The following ADAMTS9 variants were observed in gnomAD, a reference collection of about 807,000 sequenced individuals.
ADAMTS9 encodes the protein ADAM metallopeptidase with thrombospondin type 1 motif 9, also known as A disintegrin and metalloproteinase with thrombospondin motifs 9.
ADAMTS9 carries 107 observed loss-of-function variants against 257.1 expected under a neutral mutation model. The observed-to-expected ratio is 0.42, with a 90% CI of 0.36 to 0.49. ADAMTS9 has a LOEUF of 0.49. Ranked by LOEUF, ADAMTS9 falls within the 20% of genes least tolerant of loss-of-function variation. ADAMTS9 has a pLI of 0.03. For missense variants in ADAMTS9, 2,353 were observed against 2,469.1 expected (o/e 0.95, Z 1.00); for synonymous variants, 982 against 880.9 (o/e 1.11, Z -2.03).
intron 16 of ADAMTS9, among the ~76,000 whole-genome samples, chr3:64,623,525 A>G (rs1291644655): frequency 3.3e-5 from 5 of 152,312 alleles, no homozygotes; most frequent in Non-Finnish European, 2.9e-5. Context: ...AAACACCCGT[A>G]TATGCTGCTC....
rs1700887214 is a variant in ADAMTS9 at position 64,649,752 on chromosome 3, T to C, written c.1490A>G (p.Asn497Ser). The change falls in exon 10 of 40, where the codon AAC becomes AGC. Residue 497 changes from asparagine to serine, a missense_variant. Asn to Ser is a conservative substitution (Grantham distance 46). Coordinates refer to ENST00000498707, the MANE Select transcript of ADAMTS9 (RefSeq NM_182920.2). ...LDTGYGECLL[N>S]EPESRPYPLP... ...AGGGTAGGGTCTGGATTCAGGTTCGTTAAGCAAACACTCGCCATAACCAGT... is the reference window on the plus strand; with the variant it reads ...AGGGTAGGGTCTGGATTCAGGTTCGCTAAGCAAACACTCGCCATAACCAGT... The C allele has an allele frequency of 3.1e-6, 5 of 1,613,822 alleles. No individual in the cohort carries two copies. Among genetic ancestry groups the C allele is most frequent in the African/African-American group, 1.3e-5 (1 of 74,902 alleles).
chr3:64,571,406 G>A (rs1321320515), intron 28 of ADAMTS9, among the ~76,000 whole-genome samples: 1 of 152,104 alleles, frequency 6.6e-6, no homozygotes, highest in African/African-American at 2.4e-5. Context: ...AACAATAACA[G>A]CACAGTGAAA....
At chr3:64,567,786 G>A (rs571355683) in intron 29 of ADAMTS9, among the ~76,000 whole-genome samples, 61 of 151,544 alleles carry the variant, frequency 4.0e-4, no homozygotes, top group African/African-American at 1.3e-3. Flanking sequence ...CCTGCAAAGC[G>A]CTGGGCATTC....
chr3:64,681,311 G>A lies in ADAMTS9; in HGVS notation c.569C>T (p.Ser190Phe). 6.2e-7 allele frequency: 1 copy of A among 1,613,896 alleles called. No individual in the cohort carries two copies. Among genetic ancestry groups the A allele is most frequent in the Non-Finnish European group, 8.5e-7 (1 of 1,179,890 alleles). Reference sequence around the variant, plus strand: ...CTCTTCATCTTCTTGTTCATCCATAGACTGTAGTGGTTCAATAAAATAATC... The same window carrying A: ...CTCTTCATCTTCTTGTTCATCCATAAACTGTAGTGGTTCAATAAAATAATC... Reference protein sequence around the residue: ...DGDYFIEPLQSMDEQEDEEEQ... With the variant: ...DGDYFIEPLQFMDEQEDEEEQ... The change falls in exon 3 of 40, where the codon TCT becomes TTT. Residue 190 changes from serine to phenylalanine, a missense_variant. Ser to Phe is a radical substitution (Grantham distance 155). This residue lies in a region of ADAMTS9 where 591 missense variants were observed against 569.6 expected (regional missense o/e 1.04). Coordinates refer to ENST00000498707, the MANE Select transcript of ADAMTS9 (RefSeq NM_182920.2).
At chr3:64,556,099 G>C (rs1490604915) in intron 30 of ADAMTS9, among the ~76,000 whole-genome samples, 1 of 152,086 alleles carries the variant, frequency 6.6e-6, no homozygotes, top group Non-Finnish European at 1.5e-5. Context: ...GTGTTAAGGA[G>C]ATGCACTTGG....
At chr3:64,626,424 G>A (rs931954768) in intron 16 of ADAMTS9, among the ~76,000 whole-genome samples, 1 of 152,114 alleles carries the variant, frequency 6.6e-6, no homozygotes, top group East Asian at 1.9e-4. Context: ...GTATGTTTGT[G>A]TTGTAGATTT....
intron 30 of ADAMTS9, among the ~76,000 whole-genome samples, chr3:64,556,752 T>C (rs979575574): frequency 4.7e-5 from 7 of 148,228 alleles, no homozygotes; most frequent in African/African-American, 9.9e-5. Context: ...CTTCCTTCCT[T>C]CCTCCCTCCC....
chr3:64,543,159 A>G (rs1259825545), intron 32 of ADAMTS9, among the ~76,000 whole-genome samples: 4 of 152,298 alleles, frequency 2.6e-5, no homozygotes, highest in East Asian at 1.9e-4. Flanking sequence ...AGGACCAGAC[A>G]GATTCACAGC....
intron 3 of ADAMTS9, among the ~76,000 whole-genome samples, chr3:64,663,384 A>C (rs1186796284): frequency 6.6e-6 from 1 of 151,760 alleles, no homozygotes; most frequent in Non-Finnish European, 1.5e-5. Flanking sequence ...CTTAGAGAAG[A>C]GTACTGCAGT....
At chr3:64,541,257 G>T (rs1459046318) in intron 35 of ADAMTS9, 29 bp from the exon 36 acceptor site, 1 of 1,614,094 alleles carries the variant, frequency 6.2e-7, no homozygotes, top group East Asian at 2.2e-5. Flanking sequence ...GTTCTGGTAA[G>T]GATGGGAAAG....
At chr3:64,595,837 C>T (rs552652303) in intron 27 of ADAMTS9, among the ~76,000 whole-genome samples, 3 of 152,044 alleles carry the variant, frequency 2.0e-5, no homozygotes, top group East Asian at 1.9e-4. Context: ...TGTTATTTCT[C>T]GTGTTTTATT....
chr3:64,647,573 A>G (rs1189574071), intron 11 of ADAMTS9, among the ~76,000 whole-genome samples: 2 of 152,228 alleles, frequency 1.3e-5, no homozygotes, highest in East Asian at 1.9e-4. Flanking sequence ...TGTTCCATCA[A>G]CTTACCAATA....
intron 3 of ADAMTS9, among the ~76,000 whole-genome samples, chr3:64,667,495 G>A (rs545650762): frequency 2.0e-5 from 3 of 152,278 alleles, no homozygotes; most frequent in South Asian, 4.1e-4. Flanking sequence ...CGAGTGGAAG[G>A]CAACAACTGA....
intron 29 of ADAMTS9, 59 bp from the exon 30 acceptor site, chr3:64,561,810 G>T: frequency 1.7e-6 from 2 of 1,193,780 alleles, no homozygotes; most frequent in Admixed American, 1.9e-5. Context: ...GGGGGGGCGG[G>T]GGGTGTCGAG....
intron 30 of ADAMTS9, chr3:64,561,239 G>C (rs17071047): frequency 0.017 from 3,409 of 196,916 alleles, 114 homozygotes; most frequent in African/African-American, 0.073. Context: ...CAAATCTGGA[G>C]ACACGTATTT....
chr3:64,633,226 G>A (rs547241635), intron 14 of ADAMTS9, among the ~76,000 whole-genome samples: 1 of 152,164 alleles, frequency 6.6e-6, no homozygotes, highest in Admixed American at 6.5e-5. Context: ...GAGAGGTTTT[G>A]TGCAAGACCC....
At chr3:64,645,969 C>G (rs1700775751) in intron 11 of ADAMTS9, among the ~76,000 whole-genome samples, 2 of 152,222 alleles carry the variant, frequency 1.3e-5, no homozygotes, top group African/African-American at 4.8e-5. Flanking sequence ...ATTCTGCATT[C>G]CAGAATTGGT....
At chr3:64,553,819 CAGG>C (rs896953037) in intron 30 of ADAMTS9, among the ~76,000 whole-genome samples, 3 of 152,162 alleles carry the variant, frequency 2.0e-5, no homozygotes, top group African/African-American at 7.2e-5. Flanking sequence ...CAAATTAGTG[CAGG>C]AGGCCGGCTG....
intron 12 of ADAMTS9, among the ~76,000 whole-genome samples, chr3:64,639,604 T>TCAAGGA (rs1700589780): frequency 1.3e-5 from 2 of 152,196 alleles, no homozygotes; most frequent in African/African-American, 4.8e-5. Flanking sequence ...TGGAATATCC[T>TCAAGGA]TGAGTCAAAA....
Sources: allele counts gnomAD v4.1 joint callset (sites outside exome capture counted in the v4.1 genomes callset), GRCh38; gene constraint gnomAD v4.1.1; regional missense constraint gnomAD v4.1.1; transcripts MANE v1.5; gene names NCBI Gene and HGNC (gene_info 2026-07-23, HGNC 2026-07-21).